The following PCNP variants were observed in gnomAD, a reference collection of about 807,000 sequenced individuals.
PCNP encodes PEST proteolytic signal-containing nuclear protein.
A neutral mutation model predicts 21.8 loss-of-function variants in PCNP; 6 were observed. That is an observed-to-expected ratio of 0.28 (90% CI 0.15 to 0.54). The LOEUF is 0.54. Among genes scored for constraint, PCNP ranks in the 20% least tolerant of loss-of-function variants. The probability of loss-of-function intolerance (pLI) is 0.95; values close to 1 mark genes in which losing one functional copy is unlikely to be tolerated. For synonymous variants in PCNP, 67 were observed against 73.2 expected, an observed-to-expected ratio of 0.92 and a Z score of 0.43; for missense variants, 161 against 215.5, an observed-to-expected ratio of 0.75 and a Z score of 1.58.
upstream of PCNP, chr3:101,574,154 T>C (rs911525363): frequency 6.5e-7 from 1 of 1,527,490 alleles, no homozygotes; most frequent in Non-Finnish European, 8.8e-7. Flanking sequence ...AAAAACTCGA[T>C]GGTTGTTGGG....
intron 2 of PCNP, among the ~76,000 whole-genome samples, chr3:101,580,666 A>T (rs1935176935): frequency 6.6e-6 from 1 of 152,214 alleles, no homozygotes; most frequent in Admixed American, 6.5e-5. Context: ...AGTCTTTTAC[A>T]GGTCAATATT....
intron 2 of PCNP, among the ~76,000 whole-genome samples, chr3:101,583,205 C>G (rs1003796575): frequency 2.6e-5 from 4 of 152,132 alleles, no homozygotes; most frequent in Non-Finnish European, 5.9e-5. Flanking sequence ...GCCTCTAAGC[C>G]CAGCACTTTG....
intron 2 of PCNP, among the ~76,000 whole-genome samples, chr3:101,581,047 GTC>G (rs1935194432): frequency 1.3e-5 from 2 of 152,178 alleles, no homozygotes; most frequent in Non-Finnish European, 2.9e-5. Flanking sequence ...GTCTGGAGCA[GTC>G]AGTATATTTG....
intron 4 of PCNP, among the ~76,000 whole-genome samples, chr3:101,590,966 A>T (rs1177946082): frequency 6.6e-6 from 1 of 151,798 alleles, no homozygotes; most frequent in Non-Finnish European, 1.5e-5. Context: ...GTAGAGACAG[A>T]CAGGATCTTG....
At position 101,574,204 on chromosome 3, in the gene PCNP, G is replaced by A; in HGVS notation, c.-12G>A. 6.5e-7 allele frequency: 1 copy of A among 1,549,318 alleles called. No individual in the cohort carries two copies. Among genetic ancestry groups the A allele is most frequent in the Non-Finnish European group, 8.7e-7 (1 of 1,145,788 alleles). ...CCTTGGCGTGGCTGCAGGGGAGGCC[G>A]CGGCGGGGAAAATGGCGGACGGGAA... On this transcript the variant is annotated 5_prime_UTR_variant, in exon 1 of 5. Coordinates refer to ENST00000265260, the MANE Select transcript of PCNP (RefSeq NM_020357.3).
intron 2 of PCNP, among the ~76,000 whole-genome samples, chr3:101,583,686 C>A (rs2108281899): frequency 6.6e-6 from 1 of 152,122 alleles, no homozygotes; most frequent in African/African-American, 2.4e-5. Flanking sequence ...CTCACTCTGT[C>A]ACCCAGGCTG....
chr3:101,583,654 T>G (rs1468645726), intron 2 of PCNP, among the ~76,000 whole-genome samples: 1 of 151,724 alleles, frequency 6.6e-6, no homozygotes, highest in Non-Finnish European at 1.5e-5. Context: ...TTTGTTTTGT[T>G]TTTTGGATTT....
chr3:101,590,780 T>C (rs1420235048), intron 4 of PCNP, among the ~76,000 whole-genome samples: 2 of 151,770 alleles, frequency 1.3e-5, no homozygotes, highest in African/African-American at 4.8e-5. Context: ...AACTCCTGAG[T>C]GCAAGTGATC....
chr3:101,583,881 TC>T (rs1318219859), intron 2 of PCNP, among the ~76,000 whole-genome samples: 1 of 28,202 alleles, frequency 3.5e-5, no homozygotes, highest in Non-Finnish European at 1.1e-4. Context: ...CAGGCTGGTC[TC>T]GGAACTCCTG....
At position 101,579,791 on chromosome 3, in the gene PCNP, A is replaced by G; in HGVS notation, c.66A>G (p.Gly22=). ...GGTAAGTTGTTTCGACTTCACCAGG[A>G]CCTGAAGAAGAAGCAGAAAAACCTG... The part of the protein sequence containing the change: ...EKSQRAGAAG[G]PEEEAEKPVK... Residue 22 remains glycine, a splice_region_variant and synonymous_variant, in exon 2 of 5, where the codon GGA becomes GGG. Coordinates refer to ENST00000265260, the MANE Select transcript of PCNP (RefSeq NM_020357.3). The G allele has an allele frequency of 6.2e-7, 1 of 1,610,236 alleles. No individual in the cohort carries two copies. The highest frequency in any genetic ancestry group is 8.5e-7 in the Non-Finnish European group (1 of 1,176,422).
At chr3:101,588,041 G>T (rs1056002150) in intron 3 of PCNP, among the ~76,000 whole-genome samples, 1 of 152,206 alleles carries the variant, frequency 6.6e-6, no homozygotes, top group Non-Finnish European at 1.5e-5. Flanking sequence ...GGGAGGCCGA[G>T]GCGGGTGGAT....
intron 1 of PCNP, among the ~76,000 whole-genome samples, chr3:101,578,764 C>T (rs1935065118): frequency 6.6e-6 from 1 of 152,144 alleles, no homozygotes; most frequent in Non-Finnish European, 1.5e-5. Flanking sequence ...AGCTCTGTGT[C>T]CTGCTTTCTT....
At chr3:101,584,773 C>A (rs572560851) in intron 2 of PCNP, among the ~76,000 whole-genome samples, 4 of 152,016 alleles carry the variant, frequency 2.6e-5, no homozygotes, top group Non-Finnish European at 5.9e-5. Flanking sequence ...GAGGCTGAGG[C>A]GGGTAGATCA....
intron 3 of PCNP, among the ~76,000 whole-genome samples, chr3:101,588,384 C>G (rs1280602634): frequency 6.6e-6 from 1 of 152,252 alleles, no homozygotes; most frequent in East Asian, 1.9e-4. Flanking sequence ...CTGCTGTTTT[C>G]CCTGCTTTTA....
intron 3 of PCNP, chr3:101,589,901 TTA>T (rs1935718849): frequency 3.9e-6 from 1 of 256,430 alleles, no homozygotes; most frequent in Non-Finnish European, 7.4e-6. Flanking sequence ...CCTCATGCGA[TTA>T]TGTTAGGATT....
At chr3:101,589,050 C>T (rs1935673637) in intron 3 of PCNP, among the ~76,000 whole-genome samples, 1 of 152,120 alleles carries the variant, frequency 6.6e-6, no homozygotes, top group South Asian at 2.1e-4. Flanking sequence ...GTTGATAATT[C>T]TTGCCAGAAT....
intron 3 of PCNP, among the ~76,000 whole-genome samples, chr3:101,588,196 G>A (rs919824586): frequency 1.5e-4 from 23 of 152,142 alleles, no homozygotes; most frequent in African/African-American, 4.1e-4. Flanking sequence ...GGTTGAACCC[G>A]GGGGGTGGAG....
intron 1 of PCNP, among the ~76,000 whole-genome samples, chr3:101,577,477 T>C (rs1321188516): frequency 1.3e-5 from 2 of 152,100 alleles, no homozygotes; most frequent in Non-Finnish European, 2.9e-5. Flanking sequence ...AGAATGCAAA[T>C]GGGTTATGAA....
chr3:101,582,553 AAT>A (rs1935281041), intron 2 of PCNP, among the ~76,000 whole-genome samples: 1 of 152,222 alleles, frequency 6.6e-6, no homozygotes, highest in South Asian at 2.1e-4. Context: ...GAAGATAGTT[AAT>A]CAGCCAACAA....
Sources: allele counts gnomAD v4.1 joint callset (sites outside exome capture counted in the v4.1 genomes callset), GRCh38; gene constraint gnomAD v4.1.1; transcripts MANE v1.5; gene names NCBI Gene and HGNC (gene_info 2026-07-23, HGNC 2026-07-21).